The following SLC25A21 variants were observed in gnomAD, a reference collection of about 807,000 sequenced individuals.
The protein encoded by SLC25A21 is solute carrier family 25 member 21, also known as mitochondrial 2-oxodicarboxylate carrier.
Under a neutral mutation model 43.8 loss-of-function variants are expected in SLC25A21, and 47 were observed. That is an observed-to-expected ratio of 1.07 (90% CI 0.85 to 1.37). SLC25A21 has a LOEUF of 1.37. Among genes scored for constraint, SLC25A21 ranks in the 40% most tolerant of loss-of-function variants. The pLI, the probability that SLC25A21 is intolerant of heterozygous loss-of-function variation, is 0.00. For synonymous variants in SLC25A21, 131 were observed against 121.3 expected (o/e 1.08, Z -0.52); for missense variants, 352 against 350.2 (o/e 1.00, Z -0.04).
In SLC25A21 at chr14:36,678,104, G is replaced by A; in HGVS notation, c.*2554C>T. ...CACCTCACTGGATATGGATGTTGAA[G>A]ATGGATTCCCTAGGTGATTTTAATT... On this transcript the variant is annotated 3_prime_UTR_variant, in exon 10 of 10. Transcript: ENST00000331299. 1 of 197,536 alleles carries A rather than the reference G, an allele frequency of 5.1e-6. No homozygotes were observed. Among genetic ancestry groups the A allele is most frequent in the South Asian group, 1.7e-4 (1 of 5,902 alleles). 12.2% of individuals were successfully genotyped at this position (197,536 alleles called of 1,614,324 possible). A position where few individuals can be genotyped will look rare whatever the true frequency, so the allele number is the denominator to read the frequency against.
At chr14:36,920,147 C>G (rs150180347) in intron 1 of SLC25A21, among the ~76,000 whole-genome samples, 4 of 152,046 alleles carry the variant, frequency 2.6e-5, no homozygotes, top group African/African-American at 9.6e-5. Flanking sequence ...ATTCTTTTTT[C>G]TATTTTTCAC....
chr14:36,862,526 G>A (rs1235068447), intron 2 of SLC25A21, among the ~76,000 whole-genome samples: 1 of 152,126 alleles, frequency 6.6e-6, no homozygotes, highest in Non-Finnish European at 1.5e-5. Flanking sequence ...ACCAAACAGT[G>A]CATGTTCTCA....
intron 1 of SLC25A21, among the ~76,000 whole-genome samples, chr14:37,057,338 T>C (rs1165966720): frequency 6.6e-6 from 1 of 152,222 alleles, no homozygotes; most frequent in East Asian, 1.9e-4. Context: ...GTCATTTATA[T>C]AGTATATTTT....
intron 1 of SLC25A21, among the ~76,000 whole-genome samples, chr14:36,895,490 A>G (rs1250729947): frequency 6.6e-6 from 1 of 152,180 alleles, no homozygotes; most frequent in Non-Finnish European, 1.5e-5. Context: ...TCAAAAAACC[A>G]GCTCTGGATT....
chr14:36,969,134 CAA>C (rs1247706217), intron 1 of SLC25A21, among the ~76,000 whole-genome samples: 1 of 152,162 alleles, frequency 6.6e-6, no homozygotes, highest in Non-Finnish European at 1.5e-5. Context: ...ATTTTCATAA[CAA>C]TCCCAATTTT....
At chr14:37,093,626 C>T (rs982581197) in intron 1 of SLC25A21, among the ~76,000 whole-genome samples, 2 of 151,968 alleles carry the variant, frequency 1.3e-5, no homozygotes, top group Non-Finnish European at 2.9e-5. Flanking sequence ...AAATTCATTG[C>T]GTGTAAGAAA....
chr14:37,062,611 T>C (rs888388731), intron 1 of SLC25A21, among the ~76,000 whole-genome samples: 2 of 152,162 alleles, frequency 1.3e-5, no homozygotes, highest in South Asian at 2.1e-4. Context: ...CAGGTGGCTA[T>C]ACACTTCAGT....
chr14:36,756,296 G>T (rs1474334532), intron 3 of SLC25A21, among the ~76,000 whole-genome samples: 1 of 152,164 alleles, frequency 6.6e-6, no homozygotes. Flanking sequence ...ATGTTCGGCC[G>T]CCTCCTTCTG....
At chr14:37,079,673 C>T (rs983547169) in intron 1 of SLC25A21, among the ~76,000 whole-genome samples, 2 of 152,174 alleles carry the variant, frequency 1.3e-5, no homozygotes, top group Non-Finnish European at 2.9e-5. Flanking sequence ...GCCTGTGCCT[C>T]CTGCTCAGAC....
At position 36,949,038 on chromosome 14, in the gene SLC25A21, C is replaced by T. The variant is rs140225396; in HGVS notation, c.71-74034G>A. 8.7e-3 allele frequency among the ~76,000 whole-genome samples: 1,327 copies of T among 152,244 alleles called. 12 individuals are homozygous for T. Among genetic ancestry groups the T allele is most frequent in the Non-Finnish European group, 0.014 (985 of 68,008 alleles). ...TGCCCAGTCTGTTGCATTTGACAAA[C>T]AAGGAAAGTGAGGCTTACAGAGATC... On this transcript the variant is annotated intron_variant, in intron 1 of 9. Coordinates refer to ENST00000331299, the MANE Select transcript of SLC25A21 (RefSeq NM_030631.4).
chr14:36,993,541 A>G (rs1960308217), intron 1 of SLC25A21, among the ~76,000 whole-genome samples: 1 of 152,194 alleles, frequency 6.6e-6, no homozygotes, highest in African/African-American at 2.4e-5. Flanking sequence ...GGAGACATAT[A>G]TCATTAAAAC....
chr14:36,788,031 C>T (rs1265920980), intron 3 of SLC25A21, among the ~76,000 whole-genome samples: 2 of 152,090 alleles, frequency 1.3e-5, no homozygotes, highest in Non-Finnish European at 2.9e-5. Flanking sequence ...CATTGCTCTC[C>T]GTACTTTGCA....
intron 6 of SLC25A21, among the ~76,000 whole-genome samples, chr14:36,713,114 C>T (rs1883962271): frequency 6.6e-6 from 1 of 152,178 alleles, no homozygotes; most frequent in Non-Finnish European, 1.5e-5. Flanking sequence ...ACCTTTTCTC[C>T]ATCCTCACTC....
At chr14:37,111,408 T>C (rs957089897) in intron 1 of SLC25A21, among the ~76,000 whole-genome samples, 2 of 152,122 alleles carry the variant, frequency 1.3e-5, no homozygotes, top group Non-Finnish European at 2.9e-5. Flanking sequence ...ATACTGATAC[T>C]GAGCTGTCTG....
chr14:37,088,115 A>T (rs1479997185), intron 1 of SLC25A21, among the ~76,000 whole-genome samples: 1 of 152,190 alleles, frequency 6.6e-6, no homozygotes, highest in Non-Finnish European at 1.5e-5. Context: ...TGCATTATGT[A>T]TTTACAATCA....
intron 1 of SLC25A21, among the ~76,000 whole-genome samples, chr14:36,948,314 A>C: frequency 6.6e-6 from 1 of 152,234 alleles, no homozygotes; most frequent in Non-Finnish European, 1.5e-5. Flanking sequence ...ATATAGCTTT[A>C]TTTACTTTCC....
intron 2 of SLC25A21, among the ~76,000 whole-genome samples, chr14:36,836,518 C>T (rs1889214467): frequency 6.6e-6 from 1 of 152,138 alleles, no homozygotes; most frequent in South Asian, 2.1e-4. Context: ...AAGTCTATTG[C>T]TCTGTACTTA....
intron 1 of SLC25A21, among the ~76,000 whole-genome samples, chr14:36,918,687 A>T (rs572235828): frequency 2.0e-4 from 30 of 152,244 alleles, no homozygotes; most frequent in African/African-American, 7.2e-4. Flanking sequence ...CAAATTTCAT[A>T]CTTTCTCATT....
chr14:36,948,762 G>A (rs1049831921), intron 1 of SLC25A21, among the ~76,000 whole-genome samples: 5 of 151,786 alleles, frequency 3.3e-5, no homozygotes, highest in African/African-American at 1.2e-4. Context: ...TTCCAAAGAC[G>A]CGATACTAAA....
Sources: gnomAD v4.1 joint callset for allele counts (sites outside exome capture counted in the v4.1 genomes callset) on GRCh38, gnomAD v4.1.1 for gene constraint, MANE v1.5 for transcripts, NCBI Gene and HGNC (gene_info 2026-07-23, HGNC 2026-07-21) for gene names.